The following SLC29A4 variants were observed in gnomAD, a reference collection of about 807,000 sequenced individuals.
SLC29A4 encodes the protein equilibrative nucleoside transporter 4.
A neutral mutation model predicts 43.9 loss-of-function variants in SLC29A4; 36 were observed. The observed-to-expected ratio is 0.82, with a 90% CI of 0.63 to 1.08. The LOEUF (loss-of-function observed/expected upper bound fraction) is 1.08, where lower values mean the gene tolerates loss of function less well. Ranked by LOEUF, SLC29A4 falls within the 50% of genes least tolerant of loss-of-function variation. The pLI is 0.00. For missense variants in SLC29A4, 869 were observed against 755.3 expected (o/e 1.15, Z -1.77); for synonymous variants, 491 against 338.0 (o/e 1.45, Z -4.97).
In SLC29A4 at chr7:5,291,689, A is replaced by G. The variant is rs776252776; in HGVS notation, c.416-4A>G. On this transcript the variant is annotated splice_polypyrimidine_tract_variant and splice_region_variant and intron_variant, in intron 4 of 10. Coordinates refer to ENST00000396872, the MANE Select transcript of SLC29A4 (RefSeq NM_153247.4). ...ACTCCCCTCACTAGCCTCTCCCCCAACAGGCTACCTCTTAGCCTTGGGCCC... is the reference window on the plus strand; with the variant it reads ...ACTCCCCTCACTAGCCTCTCCCCCAGCAGGCTACCTCTTAGCCTTGGGCCC... 23 of 1,604,338 alleles carry G rather than the reference A, an allele frequency of 1.4e-5. No homozygotes were observed. The highest frequency in any genetic ancestry group is 3.3e-5 in the South Asian group (3 of 89,954).
chr7:5,300,383 T>C (rs1264530601), intron 9 of SLC29A4, 39 bp from the exon 10 acceptor site: 3 of 1,608,862 alleles, frequency 1.9e-6, no homozygotes, highest in Admixed American at 1.7e-5. Context: ...AGTGGGGCTG[T>C]GGCCGGGACA....
intron 7 of SLC29A4, 89 bp from the exon 8 acceptor site, chr7:5,298,899 G>A: frequency 4.8e-6 from 7 of 1,457,376 alleles, no homozygotes; most frequent in Non-Finnish European, 6.5e-6. Context: ...CAGCCCCAGT[G>A]CGGCTCTTCT....
At chr7:5,293,343 T>C (rs527284618) in intron 5 of SLC29A4, among the ~76,000 whole-genome samples, 13 of 151,944 alleles carry the variant, frequency 8.6e-5, no homozygotes, top group Admixed American at 5.9e-4. Flanking sequence ...GGCTAATTTG[T>C]GTATTTTTAG....
At chr7:5,297,661 CG>C in intron 7 of SLC29A4, among the ~76,000 whole-genome samples, 1 of 152,312 alleles carries the variant, frequency 6.6e-6, no homozygotes. Flanking sequence ...TCCCTAGAGT[CG>C]GGACGCCAGG....
intron 10 of SLC29A4, among the ~76,000 whole-genome samples, chr7:5,301,112 A>G (rs1195655108): frequency 6.6e-6 from 1 of 152,008 alleles, no homozygotes; most frequent in Non-Finnish European, 1.5e-5. Flanking sequence ...AATGTTTAAA[A>G]AATTAGCTGG....
intron 7 of SLC29A4, among the ~76,000 whole-genome samples, chr7:5,297,771 G>T (rs1399355694): frequency 6.6e-6 from 1 of 152,156 alleles, no homozygotes; most frequent in Non-Finnish European, 1.5e-5. Context: ...AAAGGGAGTG[G>T]TCTCCCAGGT....
intron 7 of SLC29A4, among the ~76,000 whole-genome samples, chr7:5,297,411 C>T (rs1338305810): frequency 6.6e-6 from 1 of 152,226 alleles, no homozygotes; most frequent in African/African-American, 2.4e-5. Flanking sequence ...GGCCTAAGGC[C>T]CCACTCCACC....
intron 9 of SLC29A4, among the ~76,000 whole-genome samples, chr7:5,299,751 G>T (rs1467272874): frequency 6.6e-6 from 1 of 152,206 alleles, no homozygotes; most frequent in Non-Finnish European, 1.5e-5. Context: ...GGGACACTCA[G>T]AAATGGCTCA....
chr7:5,300,219 G>GA (rs1342854142), intron 9 of SLC29A4, among the ~76,000 whole-genome samples: 1 of 152,172 alleles, frequency 6.6e-6, no homozygotes, highest in Admixed American at 6.5e-5. Context: ...GGGATAGACC[G>GA]ATACACTGAC....
At chr7:5,294,056 A>G (rs1211026410) in intron 5 of SLC29A4, among the ~76,000 whole-genome samples, 1 of 151,264 alleles carries the variant, frequency 6.6e-6, no homozygotes, top group African/African-American at 2.4e-5. Flanking sequence ...CAGTGAGCCG[A>G]GATCGCACCA....
At chr7:5,285,141 C>A (rs1349121275) in intron 1 of SLC29A4, among the ~76,000 whole-genome samples, 1 of 152,156 alleles carries the variant, frequency 6.6e-6, no homozygotes, top group Non-Finnish European at 1.5e-5. Flanking sequence ...CGCCTCCCAA[C>A]GACTCTTGAG....
intron 1 of SLC29A4, among the ~76,000 whole-genome samples, chr7:5,284,032 A>ACCCCCCCCCCC (rs79051188): frequency 3.9e-4 from 28 of 72,334 alleles, no homozygotes; most frequent in African/African-American, 6.6e-4. Context: ...GAGCTGCACG[A>ACCCCCCCCCCC]CCCCCCCCCC....
At chr7:5,283,326 A>T (rs1290414377) in intron 1 of SLC29A4, among the ~76,000 whole-genome samples, 1 of 150,922 alleles carries the variant, frequency 6.6e-6, no homozygotes, top group East Asian at 2.0e-4. Flanking sequence ...GGTCGGCGCC[A>T]CCGCCTCCCT....
intron 1 of SLC29A4, among the ~76,000 whole-genome samples, chr7:5,283,702 GAGCAGCT>G (rs1443861241): frequency 6.6e-6 from 1 of 152,102 alleles, no homozygotes; most frequent in Non-Finnish European, 1.5e-5. Flanking sequence ...ACAGGAGTTG[GAGCAGCT>G]TAGACCGCTG....
rs1167685889 is a variant in SLC29A4 at position 5,286,499 on chromosome 7, G to C, written c.-8-1310G>C. Among the ~76,000 whole-genome samples, 4 of 151,120 alleles carry C rather than the reference G, an allele frequency of 2.6e-5. No homozygotes were observed. The East Asian group carries it at 7.8e-4, about 29-fold the overall frequency. ...GATTGCTCCACTGCACTCCAGCCTG[G>C]GCGACAGAGCAAGACTCCATCTCAA... On this transcript the variant is annotated intron_variant, in intron 1 of 10. Coordinates refer to ENST00000396872, the MANE Select transcript of SLC29A4 (RefSeq NM_153247.4).
chr7:5,296,858 T>G (rs1583669038), intron 6 of SLC29A4, 78 bp from the exon 7 acceptor site: 1 of 1,262,132 alleles, frequency 7.9e-7, no homozygotes, highest in Non-Finnish European at 9.9e-7. Context: ...GGTCTGTGTG[T>G]GGACGGGGCT....
intron 10 of SLC29A4, among the ~76,000 whole-genome samples, 161 bp from the exon 11 acceptor site, chr7:5,302,636 G>T (rs1440951181): frequency 6.6e-6 from 1 of 152,202 alleles, no homozygotes; most frequent in African/African-American, 2.4e-5. Context: ...AATGAGGAAG[G>T]ACAGGATCCG....
At position 5,306,464 on chromosome 7, in the gene SLC29A4, G is replaced by A. The variant is rs1786504636; in HGVS notation, c.*3525G>A. 1 of 151,922 alleles carries A rather than the reference G, an allele frequency of 6.6e-6. No homozygotes were observed. The highest frequency in any genetic ancestry group is 1.5e-5 in the Non-Finnish European group (1 of 68,016). 9.4% of individuals were successfully genotyped at this position (151,922 alleles called of 1,614,324 possible). A position where few individuals can be genotyped will look rare whatever the true frequency, so the allele number is the denominator to read the frequency against. ...CCCGCCTCGGCCTCCTAAAGTGCTG[G>A]GATTACAGGCACGCTCTACCACACC... On this transcript the variant is annotated 3_prime_UTR_variant, in exon 11 of 11. Transcript: ENST00000396872.
At chr7:5,290,097 A>T (rs138113941) in intron 2 of SLC29A4, among the ~76,000 whole-genome samples, 8,066 of 135,234 alleles carry the variant, frequency 0.06, 252 homozygotes, top group Middle Eastern at 0.12. Context: ...TCTGTCGCCC[A>T]GGTTGGAGTG....
Sources: gnomAD v4.1 joint callset for allele counts (sites outside exome capture counted in the v4.1 genomes callset) on GRCh38, gnomAD v4.1.1 for gene constraint, MANE v1.5 for transcripts, NCBI Gene and HGNC (gene_info 2026-07-23, HGNC 2026-07-21) for gene names.